The following FLCN variants were observed in gnomAD, a reference collection of about 807,000 sequenced individuals.
The protein encoded by FLCN is BHD skin lesion fibrofolliculoma protein.
Under a neutral mutation model 62.5 loss-of-function variants are expected in FLCN, and 22 were observed. That is an observed-to-expected ratio of 0.35 (90% CI 0.25 to 0.50). The LOEUF (loss-of-function observed/expected upper bound fraction) is 0.50, where lower values mean the gene tolerates loss of function less well. FLCN is among the 20% of genes least tolerant of loss of function. The probability of loss-of-function intolerance (pLI) is 0.97; values close to 1 mark genes in which losing one functional copy is unlikely to be tolerated. For synonymous variants in FLCN, 319 were observed against 310.0 expected (o/e 1.03, Z -0.30); for missense variants, 657 against 778.0 (o/e 0.84, Z 1.85).
intron 8 of FLCN, chr17:17,221,317 AAC>A: frequency 6.4e-7 from 1 of 1,554,634 alleles, no homozygotes; most frequent in Non-Finnish European, 8.7e-7. Flanking sequence ...CTAGCTGGGG[AAC>A]AGATTCTTTC....
intron 6 of FLCN, 57 bp from the exon 7 acceptor site, chr17:17,222,718 C>A: frequency 6.2e-7 from 1 of 1,610,584 alleles, no homozygotes; most frequent in Non-Finnish European, 8.5e-7. Context: ...GCAGCTCGGA[C>A]CCCTACTCGT....
intron 2 of FLCN, among the ~76,000 whole-genome samples, chr17:17,232,323 A>C (rs887531743): frequency 2.0e-5 from 3 of 152,214 alleles, no homozygotes; most frequent in African/African-American, 7.2e-5. Context: ...CTCATCGCAG[A>C]ACTGCGCCTC....
rs777574625 is a variant in FLCN at position 17,213,882 on chromosome 17, C to CA, written c.1539-27dup. Reference sequence around the variant, plus strand: ...CTGAAGAAAACCAAAACAAAACACTCAGACACCACAGCACAATCCCTCGAG... The same window carrying CA: ...CTGAAGAAAACCAAAACAAAACACTCAAGACACCACAGCACAATCCCTCGAG... On this transcript the variant is annotated intron_variant, in intron 13 of 13. Transcript: ENST00000285071. The CA allele has an allele frequency of 2.3e-5, 37 of 1,612,472 alleles. No homozygotes were observed. In the East Asian group the frequency reaches 4.0e-4, roughly 17 times the overall value.
chr17:17,227,493 C>T lies in FLCN; in HGVS notation c.249+396G>A, dbSNP rs373903620. On this transcript the variant is annotated intron_variant, in intron 4 of 13. Transcript: ENST00000285071. ...CTTTGGGAGGCCGAGGCAGGTGGAT[C>T]ACCTGAGGTCACGAGTTCAAGACCA... Among the ~76,000 whole-genome samples, 157 of 152,266 alleles carry T rather than the reference C, an allele frequency of 1.0e-3. 1 individual carries two copies. In the South Asian group the frequency reaches 0.015, roughly 14 times the overall value.
In FLCN at chr17:17,221,531, C is replaced by T. The variant is rs758953967; in HGVS notation, c.871+6G>A. The stretch of plus-strand genomic sequence containing the variant: ...CAAGGCCCCGGCAACAGCACCCCTG[C>T]CTCACCAGCGAGCTTCTCCATCTGG... On this transcript the variant is annotated splice_donor_region_variant and intron_variant, in intron 8 of 13. Transcript: ENST00000285071. 4 of 1,613,608 alleles carry T rather than the reference C, an allele frequency of 2.5e-6. No individual in the cohort carries two copies. The South Asian group carries it at 3.3e-5, about 13-fold the overall frequency.
chr17:17,220,948 C>T, intron 8 of FLCN: 2 of 340,874 alleles, frequency 5.9e-6, no homozygotes, highest in South Asian at 3.0e-5. Context: ...TTATTAATGA[C>T]ATGTGGTGTG....
chr17:17,223,469 A>G (rs936141771), intron 6 of FLCN, among the ~76,000 whole-genome samples: 3 of 152,218 alleles, frequency 2.0e-5, no homozygotes, highest in Non-Finnish European at 4.4e-5. Flanking sequence ...CTCTCCTGCA[A>G]TGCACACACC....
chr17:17,231,158 C>T (rs778822226), intron 3 of FLCN, among the ~76,000 whole-genome samples: 3 of 152,210 alleles, frequency 2.0e-5, no homozygotes, highest in Non-Finnish European at 4.4e-5. Flanking sequence ...CAAGACTGCG[C>T]AACTGCAGTC....
At chr17:17,231,075 C>T (rs1434064516) in intron 3 of FLCN, among the ~76,000 whole-genome samples, 3 of 151,852 alleles carry the variant, frequency 2.0e-5, no homozygotes, top group African/African-American at 4.8e-5. Flanking sequence ...TGGCGCACAC[C>T]TGTAGTCCCA....
intron 13 of FLCN, among the ~76,000 whole-genome samples, chr17:17,214,718 T>A (rs1403561228): frequency 1.3e-5 from 2 of 152,122 alleles, no homozygotes; most frequent in African/African-American, 4.8e-5. Context: ...AACCCTCCTG[T>A]GAGCTTGGAG....
chr17:17,223,895 G>A (rs1370042650), intron 6 of FLCN, 27 bp downstream of exon 6: 22 of 1,612,000 alleles, frequency 1.4e-5, no homozygotes, highest in South Asian at 2.2e-5. Context: ...GCCCCCTGCC[G>A]CCCCGGCACC....
At chr17:17,227,691 A>G (rs915027138) in intron 4 of FLCN, among the ~76,000 whole-genome samples, 198 bp downstream of exon 4, 8 of 152,192 alleles carry the variant, frequency 5.3e-5, no homozygotes, top group Non-Finnish European at 1.0e-4. Flanking sequence ...AGCCTGGGCA[A>G]TAAGAGCAAA....
At chr17:17,226,966 G>A (rs1323413087) in intron 4 of FLCN, among the ~76,000 whole-genome samples, 1 of 152,162 alleles carries the variant, frequency 6.6e-6, no homozygotes, top group African/African-American at 2.4e-5. Context: ...CCACAGTGTC[G>A]CAGGATTCCT....
chr17:17,235,109 C>CAAAAA (rs34695824), intron 1 of FLCN, among the ~76,000 whole-genome samples: 1 of 70,620 alleles, frequency 1.4e-5, no homozygotes, highest in Non-Finnish European at 2.7e-5. Flanking sequence ...GACTCCATTT[C>CAAAAA]AAAAAAAAAA....
At chr17:17,214,064 G>A (rs1434989149) in intron 13 of FLCN, among the ~76,000 whole-genome samples, 1 of 152,156 alleles carries the variant, frequency 6.6e-6, no homozygotes, top group Non-Finnish European at 1.5e-5. Flanking sequence ...TCGGGGCTGG[G>A]CTCGGCCCTC....
chr17:17,218,336 G>A lies in FLCN; in HGVS notation c.1062+683C>T, dbSNP rs544030495. On this transcript the variant is annotated intron_variant, in intron 9 of 13. Coordinates refer to ENST00000285071, the MANE Select transcript of FLCN (RefSeq NM_144997.7). Reference sequence around the variant, plus strand: ...GGTTTGGCTACTGTTTACTAGTATGGTTTGATATGCAAGTTGTTCCTAATT... The same window carrying A: ...GGTTTGGCTACTGTTTACTAGTATGATTTGATATGCAAGTTGTTCCTAATT... 3.3e-5 allele frequency among the ~76,000 whole-genome samples: 5 copies of A among 150,770 alleles called. No homozygotes were observed. The South Asian group carries it at 6.3e-4, about 19-fold the overall frequency.
chr17:17,226,114 C>T, intron 5 of FLCN, 62 bp downstream of exon 5: 1 of 1,610,942 alleles, frequency 6.2e-7, no homozygotes, highest in Non-Finnish European at 8.5e-7. Context: ...TCCGAGCCCA[C>T]CCAGAGCACC....
chr17:17,223,691 T>C (rs1376637392), intron 6 of FLCN, among the ~76,000 whole-genome samples: 2 of 152,198 alleles, frequency 1.3e-5, no homozygotes, highest in East Asian at 1.9e-4. Context: ...AAACCAGAGC[T>C]GAGCGAGAAC....
intron 3 of FLCN, among the ~76,000 whole-genome samples, chr17:17,230,794 T>C (rs532972681): frequency 1.4e-5 from 2 of 147,230 alleles, no homozygotes; most frequent in South Asian, 4.4e-4. Flanking sequence ...TTGGGAGGCC[T>C]AGGCAGGAGA....
Sources: gnomAD v4.1 joint callset for allele counts (sites outside exome capture counted in the v4.1 genomes callset) on GRCh38, gnomAD v4.1.1 for gene constraint, MANE v1.5 for transcripts, NCBI Gene and HGNC (gene_info 2026-07-23, HGNC 2026-07-21) for gene names.